Variants in DAB1 observed in about 807,000 individuals in gnomAD.
DAB1 encodes DAB adaptor protein 1.
Under a neutral mutation model 64.6 loss-of-function variants are expected in DAB1, and 15 were observed. The observed-to-expected ratio is 0.23, with a 90% CI of 0.16 to 0.36. The LOEUF is 0.36. Among genes scored for constraint, DAB1 ranks in the 10% least tolerant of loss-of-function variants. The pLI is 1.00. For missense variants in DAB1, 596 were observed against 706.7 expected, an observed-to-expected ratio of 0.84 and a Z score of 1.78; for synonymous variants, 235 against 251.9, an observed-to-expected ratio of 0.93 and a Z score of 0.64.
chr1:57,984,401 C>T (rs531329058), intron 5 of DAB1, among the ~76,000 whole-genome samples: 4 of 152,198 alleles, frequency 2.6e-5, no homozygotes, highest in Non-Finnish European at 4.4e-5. Context: ...CCTTTCTTCA[C>T]CACAGAGCTA....
chr1:57,731,815 T>A (rs3118032), intron 6 of DAB1, among the ~76,000 whole-genome samples: 63,270 of 144,372 alleles, frequency 0.44, 13,524 homozygotes, highest in East Asian at 0.58. Flanking sequence ...AAAAAAAAAA[T>A]AATAATAATA....
At chr1:57,805,730 A>T (rs898909080) in intron 6 of DAB1, among the ~76,000 whole-genome samples, 3 of 152,088 alleles carry the variant, frequency 2.0e-5, no homozygotes, top group South Asian at 4.2e-4. Flanking sequence ...TTCTTCATAT[A>T]TTTCCTTAAA....
At chr1:58,365,050 C>A (rs1644204153) in intron 3 of DAB1, among the ~76,000 whole-genome samples, 1 of 152,190 alleles carries the variant, frequency 6.6e-6, no homozygotes, top group South Asian at 2.1e-4. Context: ...GTTCTCCCTG[C>A]CCTCGTTGCG....
At chr1:57,573,767 C>G (rs1446832213) in intron 7 of DAB1, among the ~76,000 whole-genome samples, 1 of 152,184 alleles carries the variant, frequency 6.6e-6, no homozygotes, top group African/African-American at 2.4e-5. Flanking sequence ...GTCATCCCAC[C>G]TCTGTTCACA....
chr1:58,440,732 A>T (rs1454477815), intron 3 of DAB1, among the ~76,000 whole-genome samples: 1 of 152,166 alleles, frequency 6.6e-6, no homozygotes, highest in Non-Finnish European at 1.5e-5. Context: ...AGCCGTAACA[A>T]CTCTGTGATA....
chr1:58,300,308 G>C (rs542275690), intron 4 of DAB1, among the ~76,000 whole-genome samples: 10 of 152,046 alleles, frequency 6.6e-5, no homozygotes, highest in African/African-American at 2.2e-4. Context: ...CACTTTGGGA[G>C]GCTGAGACAG....
intron 14 of DAB1, among the ~76,000 whole-genome samples, chr1:57,008,610 A>G (rs1414322326): frequency 1.3e-5 from 2 of 152,236 alleles, no homozygotes; most frequent in East Asian, 3.8e-4. Flanking sequence ...GATAGAGAAT[A>G]ATTATAAAAT....
At chr1:58,450,420 T>C (rs367702378) in intron 3 of DAB1, among the ~76,000 whole-genome samples, 3 of 152,042 alleles carry the variant, frequency 2.0e-5, no homozygotes, top group Non-Finnish European at 4.4e-5. Context: ...TTCCCCCCAA[T>C]GTGTGGGCTG....
At chr1:58,005,207 A>C (rs542213639) in intron 5 of DAB1, among the ~76,000 whole-genome samples, 7 of 152,242 alleles carry the variant, frequency 4.6e-5, no homozygotes, top group African/African-American at 1.7e-4. Flanking sequence ...ACACATTTTC[A>C]TCCCTCCAAT....
At chr1:58,301,979 AC>A (rs1460138518) in intron 4 of DAB1, among the ~76,000 whole-genome samples, 2 of 152,154 alleles carry the variant, frequency 1.3e-5, no homozygotes, top group African/African-American at 2.4e-5. Context: ...CTTAATTCTC[AC>A]CACCACCTTG....
chr1:58,158,894 G>A (rs1049018802), intron 4 of DAB1, among the ~76,000 whole-genome samples: 1 of 152,190 alleles, frequency 6.6e-6, no homozygotes, highest in African/African-American at 2.4e-5. Flanking sequence ...ACGCACGGGT[G>A]AGAAACCCTA....
upstream of DAB1, among the ~76,000 whole-genome samples, chr1:57,425,473 G>C (rs1185763909): frequency 6.6e-6 from 1 of 152,094 alleles, no homozygotes; most frequent in Non-Finnish European, 1.5e-5. Context: ...TCCTTGTGGA[G>C]CCAGTAGGTC....
intron 5 of DAB1, among the ~76,000 whole-genome samples, chr1:58,013,069 C>G (rs954388863): frequency 2.0e-5 from 3 of 152,178 alleles, no homozygotes; most frequent in Non-Finnish European, 4.4e-5. Context: ...GGTAAGGGTC[C>G]TGTAACTGGG....
intron 1 of DAB1, among the ~76,000 whole-genome samples, chr1:57,419,258 C>A (rs1684720071): frequency 1.3e-5 from 2 of 152,212 alleles, no homozygotes; most frequent in Admixed American, 1.3e-4. Flanking sequence ...TCCAAGAATC[C>A]TGAGTTGCGA....
chr1:57,126,720 A>C (rs897865232), intron 4 of DAB1, among the ~76,000 whole-genome samples: 3 of 152,148 alleles, frequency 2.0e-5, no homozygotes, highest in Non-Finnish European at 2.9e-5. Flanking sequence ...ACTTCTAACA[A>C]GTAACTCTTC....
chr1:57,926,082 G>A (rs890699802), intron 5 of DAB1, among the ~76,000 whole-genome samples: 2 of 152,198 alleles, frequency 1.3e-5, no homozygotes, highest in African/African-American at 4.8e-5. Context: ...GGTTACCCAA[G>A]AGTCACAGTT....
chr1:58,527,832 T>C (rs1264988168), intron 1 of DAB1, among the ~76,000 whole-genome samples: 1 of 152,236 alleles, frequency 6.6e-6, no homozygotes, highest in Non-Finnish European at 1.5e-5. Flanking sequence ...CCTTTTTCTT[T>C]TCTAAGTATT....
chr1:58,220,427 TC>T (rs1659097500), intron 4 of DAB1, among the ~76,000 whole-genome samples: 1 of 152,208 alleles, frequency 6.6e-6, no homozygotes, highest in Non-Finnish European at 1.5e-5. Flanking sequence ...TACATTTTCT[TC>T]TAGCCACGAG....
chr1:57,809,581 C>T (rs758552827), intron 6 of DAB1, among the ~76,000 whole-genome samples: 1 of 152,078 alleles, frequency 6.6e-6, no homozygotes, highest in Non-Finnish European at 1.5e-5. Flanking sequence ...CTCGGTAATC[C>T]GAGAAACCTG....
Sources: gnomAD v4.1 joint callset for allele counts (sites outside exome capture counted in the v4.1 genomes callset) on GRCh38, gnomAD v4.1.1 for gene constraint, MANE v1.5 for transcripts, NCBI Gene and HGNC (gene_info 2026-07-23, HGNC 2026-07-21) for gene names.